The following LRFN5 variants were observed in gnomAD, a reference collection of about 807,000 sequenced individuals.
LRFN5 encodes the protein leucine rich repeat and fibronectin type III domain containing 5, also known as leucine-rich repeat and fibronectin type-III domain-containing protein 5.
LRFN5 carries 24 observed loss-of-function variants against 45.6 expected under a neutral mutation model. That is an observed-to-expected ratio of 0.53 (90% CI 0.38 to 0.74). The LOEUF (loss-of-function observed/expected upper bound fraction) is 0.74. Ranked by LOEUF, LRFN5 falls within the 30% of genes least tolerant of loss-of-function variation. The pLI, the probability that LRFN5 is intolerant of heterozygous loss-of-function variation, is 0.00. For missense variants in LRFN5, 776 were observed against 861.5 expected, an observed-to-expected ratio of 0.90 and a Z score of 1.24; for synonymous variants, 340 against 313.8, an observed-to-expected ratio of 1.08 and a Z score of -0.88.
chr14:41,689,149 A>G (rs1313071691), intron 1 of LRFN5, among the ~76,000 whole-genome samples: 1 of 151,978 alleles, frequency 6.6e-6, no homozygotes, highest in Non-Finnish European at 1.5e-5. Flanking sequence ...GAATTTTAAA[A>G]AGAAGAAAGC....
At chr14:41,793,749 C>T (rs1459452143) in intron 2 of LRFN5, among the ~76,000 whole-genome samples, 2 of 151,950 alleles carry the variant, frequency 1.3e-5, no homozygotes, top group Non-Finnish European at 2.9e-5. Flanking sequence ...TTTGATCCCA[C>T]GAATGAGAAA....
intron 2 of LRFN5, among the ~76,000 whole-genome samples, chr14:41,778,186 G>T (rs947012195): frequency 6.6e-6 from 1 of 151,408 alleles, no homozygotes; most frequent in Non-Finnish European, 1.5e-5. Flanking sequence ...ATAAATATTT[G>T]ATTCCCAGTC....
At chr14:41,895,910 C>T (rs895736825) in intron 4 of LRFN5, among the ~76,000 whole-genome samples, 1 of 151,858 alleles carries the variant, frequency 6.6e-6, no homozygotes, top group African/African-American at 2.4e-5. Context: ...AATTTATAAA[C>T]AATTAAAAAA....
At chr14:41,892,091 A>G in intron 4 of LRFN5, 129 bp downstream of exon 4, 1 of 1,451,308 alleles carries the variant, frequency 6.9e-7, no homozygotes, top group Non-Finnish European at 9.0e-7. Context: ...TAAAAGAAGC[A>G]TGTCTATGAA....
chr14:41,694,433 G>A (rs189332911), intron 1 of LRFN5, among the ~76,000 whole-genome samples: 23 of 151,732 alleles, frequency 1.5e-4, no homozygotes, highest in African/African-American at 4.6e-4. Context: ...TCTACAAATC[G>A]TGCAGTATTT....
At chr14:41,806,139 G>A (rs1007633594) in intron 2 of LRFN5, among the ~76,000 whole-genome samples, 5 of 152,238 alleles carry the variant, frequency 3.3e-5, no homozygotes, top group African/African-American at 7.2e-5. Context: ...CTTTGACTGA[G>A]GGTCAGGATT....
chr14:41,762,317 A>T (rs1429310379), intron 1 of LRFN5, among the ~76,000 whole-genome samples: 1 of 152,108 alleles, frequency 6.6e-6, no homozygotes. Context: ...AGGAATGATT[A>T]GTTGTTCTCG....
intron 1 of LRFN5, among the ~76,000 whole-genome samples, chr14:41,754,818 G>A (rs1221444200): frequency 6.6e-6 from 1 of 152,102 alleles, no homozygotes; most frequent in Non-Finnish European, 1.5e-5. Context: ...TGTTGAATAT[G>A]TTTGCTTTTG....
Position 41,643,203 on chromosome 14 carries a change from G to A in LRFN5, c.-197+34641G>A, listed in dbSNP as rs534789841. Among the ~76,000 whole-genome samples the A allele has an allele frequency of 1.2e-4, 18 of 152,132 alleles. 1 individual carries two copies. The highest frequency in any genetic ancestry group is 4.3e-4 in the African/African-American group (18 of 41,524). The stretch of plus-strand genomic sequence containing the variant: ...GTGGTTCTTTTATAAAATAAATCAA[G>A]AGAAAAAGGTATAAATAGGAATCAA... On this transcript the variant is annotated intron_variant, in intron 1 of 5. Coordinates refer to ENST00000298119, the MANE Select transcript of LRFN5 (RefSeq NM_152447.5).
chr14:41,783,036 A>G (rs1228487706), intron 2 of LRFN5, among the ~76,000 whole-genome samples: 1 of 142,266 alleles, frequency 7.0e-6, no homozygotes, highest in African/African-American at 2.6e-5. Context: ...AGTGGGTGGA[A>G]ATCCTTTCTC....
intron 2 of LRFN5, among the ~76,000 whole-genome samples, chr14:41,805,419 T>TTTATTTA (rs1555320794): frequency 5.1e-4 from 76 of 149,980 alleles, no homozygotes; most frequent in African/African-American, 1.7e-3. Context: ...TATTTATTTA[T>TTTATTTA]TTATTATTAT....
intron 1 of LRFN5, among the ~76,000 whole-genome samples, chr14:41,643,357 T>C (rs1879668537): frequency 6.6e-6 from 1 of 152,208 alleles, no homozygotes; most frequent in African/African-American, 2.4e-5. Flanking sequence ...ATTAAAGTTT[T>C]ATATTTTTAC....
At chr14:41,803,807 A>G (rs938575821) in intron 2 of LRFN5, among the ~76,000 whole-genome samples, 6 of 152,248 alleles carry the variant, frequency 3.9e-5, no homozygotes, top group African/African-American at 1.2e-4. Context: ...AGGAAATGCA[A>G]TGGAGAAAGA....
intron 2 of LRFN5, among the ~76,000 whole-genome samples, chr14:41,848,201 A>C (rs997047591): frequency 2.0e-5 from 3 of 152,122 alleles, no homozygotes; most frequent in African/African-American, 7.2e-5. Flanking sequence ...TTGATGGAAG[A>C]GGGTATTCAC....
intron 1 of LRFN5, among the ~76,000 whole-genome samples, chr14:41,652,119 A>T (rs1411345231): frequency 6.6e-6 from 1 of 152,132 alleles, no homozygotes; most frequent in Non-Finnish European, 1.5e-5. Flanking sequence ...TGAAGGAATG[A>T]ATGACTGATG....
At chr14:41,786,578 G>A (rs982716750) in intron 2 of LRFN5, among the ~76,000 whole-genome samples, 1 of 145,914 alleles carries the variant, frequency 6.9e-6, no homozygotes, top group South Asian at 2.2e-4. Context: ...GTTGTACTAT[G>A]GCTTGGTGTA....
chr14:41,858,838 C>T (rs1273738900), intron 2 of LRFN5, among the ~76,000 whole-genome samples: 1 of 152,134 alleles, frequency 6.6e-6, no homozygotes, highest in African/African-American at 2.4e-5. Flanking sequence ...TTGGGCTCTC[C>T]AGGCATTTCA....
chr14:41,756,670 C>G lies in LRFN5; in HGVS notation c.-196-10184C>G, dbSNP rs141497310. On this transcript the variant is annotated intron_variant, in intron 1 of 5. Transcript: ENST00000298119. ...GTTAGCCATTCGTCTAATTTTTTTT[C>G]AAGGTTTTTAACTTCTTTGCCATGG... Among the ~76,000 whole-genome samples, 954 of 152,116 alleles carry G rather than the reference C, an allele frequency of 6.3e-3. 12 individuals carry two copies. The highest frequency in any genetic ancestry group is 0.022 in the African/African-American group (914 of 41,524).
intron 2 of LRFN5, among the ~76,000 whole-genome samples, chr14:41,871,478 A>G (rs1481767946): frequency 6.6e-6 from 1 of 151,992 alleles, no homozygotes. Context: ...AATCCCAGCT[A>G]TTTGGGAGTC....
Sources: allele counts gnomAD v4.1 joint callset (sites outside exome capture counted in the v4.1 genomes callset), GRCh38; gene constraint gnomAD v4.1.1; transcripts MANE v1.5; gene names NCBI Gene and HGNC (gene_info 2026-07-23, HGNC 2026-07-21).